SLC26A9: variants seen among roughly 807,000 people sequenced by gnomAD.
SLC26A9 encodes solute carrier family 26 member 9.
A neutral mutation model predicts 87.1 loss-of-function variants in SLC26A9; 46 were observed. That is an observed-to-expected ratio of 0.53 (90% CI 0.42 to 0.67). The LOEUF (loss-of-function observed/expected upper bound fraction) is 0.67. Ranked by LOEUF, SLC26A9 falls within the 30% of genes least tolerant of loss-of-function variation. SLC26A9 has a pLI of 0.00. For synonymous variants in SLC26A9, 437 were observed against 409.1 expected (o/e 1.07, Z -0.82); for missense variants, 927 against 1,018.3 (o/e 0.91, Z 1.22).
At chr1:205,933,650 C>T (rs576003793) in intron 2 of SLC26A9, among the ~76,000 whole-genome samples, 4 of 152,188 alleles carry the variant, frequency 2.6e-5, no homozygotes, top group African/African-American at 4.8e-5. Context: ...TGAATACACC[C>T]GAGTGGGGCC....
chr1:205,928,607 G>A (rs1210804103), intron 8 of SLC26A9, among the ~76,000 whole-genome samples: 1 of 152,200 alleles, frequency 6.6e-6, no homozygotes, highest in Non-Finnish European at 1.5e-5. Context: ...GATTTATAAG[G>A]GGAGTGTGGC....
intron 8 of SLC26A9, 179 bp from the exon 9 acceptor site, chr1:205,928,228 G>T: frequency 1.4e-6 from 1 of 735,718 alleles, no homozygotes; most frequent in Non-Finnish European, 2.1e-6. Flanking sequence ...CATCACTCCT[G>T]TTTTACAAAG....
Position 205,931,877 on chromosome 1 carries a change from G to T in SLC26A9, c.535C>A (p.Leu179Ile). Residue 179 changes from leucine (L) to isoleucine (I), a missense_variant, in exon 5 of 21, where the codon CTC becomes ATC. Coordinates refer to ENST00000367135, the MANE Select transcript of SLC26A9 (RefSeq NM_052934.4). ...RLHVSATLAC[L>I]TAIIQMGLGF... Reference sequence around the variant, plus strand: ...CCCCTCACCTGGATGATGGCGGTGAGGCAGGCTAGCGTAGCTGACACGTGC... The same window carrying T: ...CCCCTCACCTGGATGATGGCGGTGATGCAGGCTAGCGTAGCTGACACGTGC... 1.2e-6 allele frequency: 2 copies of T among 1,613,468 alleles called. No homozygotes were observed. Among genetic ancestry groups the T allele is most frequent in the South Asian group, 1.1e-5 (1 of 91,012 alleles).
In SLC26A9 at chr1:205,924,382, C is replaced by A; in HGVS notation, c.1496+1G>T. 6.2e-7 allele frequency: 1 copy of A among 1,614,066 alleles called. No individual in the cohort carries two copies. Among genetic ancestry groups the A allele is most frequent in the Non-Finnish European group, 8.5e-7 (1 of 1,179,946 alleles). On this transcript the variant is annotated splice_donor_variant, in intron 13 of 20. Transcript: ENST00000367135. LOFTEE classifies it high-confidence loss of function. ...CTAGGAGGGCGGAAGCTATCACTTA[C>A]AACTGAGTCTGGAAGACCACGACCA... is the stretch of plus-strand genomic sequence containing the variant.
In SLC26A9 at chr1:205,914,977, C is replaced by T. The variant is rs1289260819; in HGVS notation, c.*380G>A. 1 of 1,614,084 alleles carries T rather than the reference C, an allele frequency of 6.2e-7. No individual in the cohort carries two copies. The highest frequency in any genetic ancestry group is 8.5e-7 in the Non-Finnish European group (1 of 1,180,046). Reference sequence around the variant, plus strand: ...TTGAAGCTTGTACAGCAGGCCAGCACAGTTGTACTTGTCCTTCTGTTTTTG... The same window carrying T: ...TTGAAGCTTGTACAGCAGGCCAGCATAGTTGTACTTGTCCTTCTGTTTTTG... On this transcript the variant is annotated 3_prime_UTR_variant, in exon 21 of 21. Transcript: ENST00000367135.
intron 1 of SLC26A9, among the ~76,000 whole-genome samples, chr1:205,939,498 C>T (rs1294643719): frequency 6.6e-6 from 1 of 152,134 alleles, no homozygotes; most frequent in Non-Finnish European, 1.5e-5. Context: ...TGCCCCAGCT[C>T]CTGCTGAGAA....
Position 205,914,815 on chromosome 1 carries a change from T to G in SLC26A9, c.*542A>C. The G allele has an allele frequency of 6.5e-7, 1 of 1,534,868 alleles. No homozygotes were observed. The highest frequency in any genetic ancestry group is 1.3e-5 in the South Asian group (1 of 79,250). ...ACTCCTGGGTGTGGAGAGCACATGGTCCCTGGGTGCAGAGCTGCCAGAGAC... is the reference window on the plus strand; with the variant it reads ...ACTCCTGGGTGTGGAGAGCACATGGGCCCTGGGTGCAGAGCTGCCAGAGAC... On this transcript the variant is annotated 3_prime_UTR_variant, in exon 21 of 21. Coordinates refer to ENST00000367135, the MANE Select transcript of SLC26A9 (RefSeq NM_052934.4).
intron 8 of SLC26A9, 70 bp downstream of exon 8, chr1:205,928,757 C>A: frequency 7.0e-7 from 1 of 1,437,392 alleles, no homozygotes; most frequent in Non-Finnish European, 9.8e-7. Context: ...TCTTGTCTCC[C>A]TCTCCGAGCT....
chr1:205,928,724 C>T (rs904978944), intron 8 of SLC26A9, 103 bp downstream of exon 8: 24 of 1,085,136 alleles, frequency 2.2e-5, no homozygotes, highest in East Asian at 4.7e-5. Context: ...CATACAGTTT[C>T]GACTGCACTT....
intron 19 of SLC26A9, 35 bp from the exon 20 acceptor site, chr1:205,917,389 A>T (rs1658638871): frequency 1.2e-6 from 2 of 1,611,326 alleles, no homozygotes; most frequent in African/African-American, 2.7e-5. Context: ...AATGAGCTTC[A>T]GTGACTGAAC....
In SLC26A9 at chr1:205,918,881, C is replaced by T. The variant is rs1370649509; in HGVS notation, c.2215G>A (p.Ala739Thr). 1 of 1,614,144 alleles carries T rather than the reference C, an allele frequency of 6.2e-7. No individual in the cohort carries two copies. Reference sequence around the variant, plus strand: ...CCTGGGGTCACGTCTCTAGCATTTGCCTGGGCAAAGAGGACTGCGTCATGT... The same window carrying T: ...CCTGGGGTCACGTCTCTAGCATTTGTCTGGGCAAAGAGGACTGCGTCATGT... The part of the protein sequence containing the change: ...SIHDAVLFAQ[A>T]NARDVTPGHN... The change falls in exon 19 of 21, where the codon GCA becomes ACA. Residue 739 changes from alanine to threonine, a missense_variant. Ala to Thr is a moderately conservative substitution (Grantham distance 58, BLOSUM62 0). Transcript: ENST00000367135.
At position 205,927,609 on chromosome 1, in the gene SLC26A9, CA is replaced by C. The variant is rs764467882; in HGVS notation, c.1102-5del. The C allele has an allele frequency of 6.2e-7, 1 of 1,611,822 alleles. No individual in the cohort carries two copies. Among genetic ancestry groups the C allele is most frequent in the South Asian group, 1.1e-5 (1 of 90,610 alleles). ...TGCAGCCGAGAGCGATCATCTCCTG[CA>C]GGGAGGGGACAGGATTAGAAGCCAG... On this transcript the variant is annotated splice_region_variant and splice_polypyrimidine_tract_variant and intron_variant, in intron 9 of 20. Coordinates refer to ENST00000367135, the MANE Select transcript of SLC26A9 (RefSeq NM_052934.4).
chr1:205,923,493 C>CT, intron 14 of SLC26A9, 51 bp downstream of exon 14: 1 of 1,613,908 alleles, frequency 6.2e-7, no homozygotes, highest in Non-Finnish European at 8.5e-7. Flanking sequence ...GCAACCTCTT[C>CT]TTGGGGTGGT....
rs1485671823 is a variant in SLC26A9 at position 205,918,894 on chromosome 1, G to T, written c.2202C>A (p.Val734=). Residue 734 remains valine (V), a synonymous_variant, in exon 19 of 21, where the codon GTC becomes GTA. Transcript: ENST00000367135. The part of the protein sequence containing the change: ...KHVFPSIHDA[V]LFAQANARDV... Reference sequence around the variant, plus strand: ...CTCTAGCATTTGCCTGGGCAAAGAGGACTGCGTCATGTATGCTGGGAAAGA... The same window carrying T: ...CTCTAGCATTTGCCTGGGCAAAGAGTACTGCGTCATGTATGCTGGGAAAGA... 1 of 1,614,110 alleles carries T rather than the reference G, an allele frequency of 6.2e-7. No individual in the cohort carries two copies. The highest frequency in any genetic ancestry group is 8.5e-7 in the Non-Finnish European group (1 of 1,180,044).
At chr1:205,939,992 G>A (rs905915296) in intron 1 of SLC26A9, among the ~76,000 whole-genome samples, 1 of 152,160 alleles carries the variant, frequency 6.6e-6, no homozygotes, top group Non-Finnish European at 1.5e-5. Context: ...TGATAATACT[G>A]AGAAACAAAA....
intron 19 of SLC26A9, among the ~76,000 whole-genome samples, chr1:205,918,593 C>T (rs906665605): frequency 1.1e-4 from 17 of 152,140 alleles, no homozygotes; most frequent in African/African-American, 4.1e-4. Flanking sequence ...ACACAAAGTG[C>T]TTTCAAGTGA....
Position 205,932,055 on chromosome 1 carries a change from C to T in SLC26A9, c.377-20G>A, listed in dbSNP as rs779776095. ...AGGTACCTGTGGTGCCCCACCCAGC[C>T]AGCAAAAATCAGAGGTTTGAACCAC... On this transcript the variant is annotated intron_variant, in intron 4 of 20. Coordinates refer to ENST00000367135, the MANE Select transcript of SLC26A9 (RefSeq NM_052934.4). 2 of 1,611,678 alleles carry T rather than the reference C, an allele frequency of 1.2e-6. No homozygotes were observed. Among genetic ancestry groups the T allele is most frequent in the African/African-American group, 1.3e-5 (1 of 74,812 alleles).
At chr1:205,936,834 G>T (rs931161166) in intron 1 of SLC26A9, among the ~76,000 whole-genome samples, 3 of 152,174 alleles carry the variant, frequency 2.0e-5, no homozygotes, top group African/African-American at 7.2e-5. Context: ...GGCTAGAGAT[G>T]CCCCCAACTT....
chr1:205,917,018 G>A (rs12033725), intron 20 of SLC26A9, among the ~76,000 whole-genome samples: 16,962 of 151,496 alleles, frequency 0.11, 1,549 homozygotes, highest in East Asian at 0.54. Flanking sequence ...TCTGGAACCC[G>A]GGAGGCAGAG....
Sources: gnomAD v4.1 joint callset for allele counts (sites outside exome capture counted in the v4.1 genomes callset) on GRCh38, gnomAD v4.1.1 for gene constraint, MANE v1.5 for transcripts, NCBI Gene and HGNC (gene_info 2026-07-23, HGNC 2026-07-21) for gene names.